ETV7: variants seen among roughly 807,000 people sequenced by gnomAD.
ETV7 encodes ETS variant transcription factor 7.
In ETV7, 43 loss-of-function variants were observed where a neutral mutation model predicts 39.1. The ratio of observed to expected loss-of-function variants is 1.10; its 90% CI spans 0.86 to 1.42. ETV7 has a LOEUF of 1.42. Among genes scored for constraint, ETV7 ranks in the 40% most tolerant of loss-of-function variants. The pLI is 0.00. For synonymous variants in ETV7, 196 were observed against 176.6 expected (o/e 1.11, Z -0.87); for missense variants, 432 against 442.3 (o/e 0.98, Z 0.21).
chr6:36,368,671 A>G, intron 6 of ETV7, among the ~76,000 whole-genome samples: 1 of 152,190 alleles, frequency 6.6e-6, no homozygotes, highest in East Asian at 1.9e-4. Flanking sequence ...ACATGCTTCT[A>G]AAGCCTGAAA....
chr6:36,383,569 G>A (rs746936452), intron 2 of ETV7, among the ~76,000 whole-genome samples: 3 of 152,094 alleles, frequency 2.0e-5, no homozygotes, highest in African/African-American at 4.8e-5. Context: ...GGTGGGTGAC[G>A]GGGAATAAAC....
At chr6:36,385,835 A>G (rs1277808678) in intron 1 of ETV7, among the ~76,000 whole-genome samples, 166 bp from the exon 2 acceptor site, 1 of 152,204 alleles carries the variant, frequency 6.6e-6, no homozygotes, top group Non-Finnish European at 1.5e-5. Flanking sequence ...ACTCAGTACC[A>G]TCAACATTTT....
intron 2 of ETV7, among the ~76,000 whole-genome samples, chr6:36,383,751 A>G (rs1773763080): frequency 6.6e-6 from 1 of 152,178 alleles, no homozygotes; most frequent in Non-Finnish European, 1.5e-5. Context: ...ATCTTTTAAA[A>G]CTGTCAGGTA....
chr6:36,373,341 G>A (rs920472024), intron 4 of ETV7, 112 bp downstream of exon 4: 7 of 1,298,652 alleles, frequency 5.4e-6, no homozygotes, highest in Admixed American at 3.6e-5. Flanking sequence ...GGCGGGAGGG[G>A]AGCTTGCCCA....
At chr6:36,369,169 C>CT in intron 5 of ETV7, 98 bp from the exon 6 acceptor site, 7 of 1,369,812 alleles carry the variant, frequency 5.1e-6, no homozygotes, top group Non-Finnish European at 7.0e-6. Context: ...GGCCAGAGCC[C>CT]TAGGAGCACC....
downstream of ETV7, among the ~76,000 whole-genome samples, chr6:36,363,518 G>A (rs1316622807): frequency 1.3e-5 from 2 of 152,228 alleles, no homozygotes; most frequent in African/African-American, 4.8e-5. Flanking sequence ...CAGGAGTGAA[G>A]CTGCAGATCT....
chr6:36,376,444 AT>A (rs1352390512), intron 2 of ETV7, among the ~76,000 whole-genome samples: 1 of 152,220 alleles, frequency 6.6e-6, no homozygotes, highest in African/African-American at 2.4e-5. Context: ...CAGAAAACAC[AT>A]GTTGAGTGAG....
At chr6:36,359,160 G>A (rs1393646680) in intron 7 of ETV7, among the ~76,000 whole-genome samples, 2 of 152,170 alleles carry the variant, frequency 1.3e-5, no homozygotes, top group Non-Finnish European at 2.9e-5. Context: ...AACAGAAAGG[G>A]GATGGACAGG....
intron 1 of ETV7, among the ~76,000 whole-genome samples, chr6:36,386,268 G>C (rs971767531): frequency 6.6e-6 from 1 of 152,128 alleles, no homozygotes; most frequent in South Asian, 2.1e-4. Flanking sequence ...GCGGAAGTTG[G>C]AGTGAGCCAA....
At chr6:36,360,864 G>C (rs1017698064) in intron 7 of ETV7, among the ~76,000 whole-genome samples, 13 of 152,136 alleles carry the variant, frequency 8.5e-5, no homozygotes, top group Non-Finnish European at 1.9e-4. Flanking sequence ...TGATTCTCCG[G>C]AGGGAAACTC....
chr6:36,354,918 T>G (rs1184581107), intron 7 of ETV7, among the ~76,000 whole-genome samples: 1 of 152,216 alleles, frequency 6.6e-6, no homozygotes, highest in Non-Finnish European at 1.5e-5. Context: ...ATAGAATTAT[T>G]TTGAATTTCA....
chr6:36,384,460 A>T (rs1773798464), intron 2 of ETV7, among the ~76,000 whole-genome samples: 2 of 152,172 alleles, frequency 1.3e-5, no homozygotes, highest in Non-Finnish European at 2.9e-5. Flanking sequence ...TAATTCATTC[A>T]ATAGATATTT....
rs566190314 is a variant in ETV7 at position 36,368,316 on chromosome 6, G to A, written c.807+613C>T. On this transcript the variant is annotated intron_variant, in intron 6 of 7. Coordinates refer to ENST00000340181, the MANE Select transcript of ETV7 (RefSeq NM_016135.4). ...CTATAAATCGATGATTATCATTATC[G>A]TTAATAGTTTTCTTTAAAAGATTTT... Among the ~76,000 whole-genome samples, 18 of 152,264 alleles carry A rather than the reference G, an allele frequency of 1.2e-4. No homozygotes were observed. In the South Asian group the frequency reaches 2.9e-3, roughly 25 times the overall value.
intron 7 of ETV7, among the ~76,000 whole-genome samples, chr6:36,357,399 C>T (rs571476989): frequency 6.6e-6 from 1 of 152,286 alleles, no homozygotes; most frequent in African/African-American, 2.4e-5. Flanking sequence ...AGCCAGAGGA[C>T]AGGAAGCCCA....
chr6:36,364,673 G>A (rs371495540), downstream of ETV7, among the ~76,000 whole-genome samples: 4 of 152,340 alleles, frequency 2.6e-5, no homozygotes, highest in African/African-American at 9.6e-5. Context: ...CCAGAAAGGG[G>A]CTCCCACAGT....
chr6:36,387,547 G>C lies in ETV7; in HGVS notation c.-6C>G. On this transcript the variant is annotated 5_prime_UTR_variant, in exon 1 of 8. Coordinates refer to ENST00000340181, the MANE Select transcript of ETV7 (RefSeq NM_016135.4). Reference sequence around the variant, plus strand: ...CGCCAGGCTCTTACCTGCATTACAGGTGGAGGTGAGGAAGCCACCGGCTTT... The same window carrying C: ...CGCCAGGCTCTTACCTGCATTACAGCTGGAGGTGAGGAAGCCACCGGCTTT... 1 of 1,614,102 alleles carries C rather than the reference G, an allele frequency of 6.2e-7. No homozygotes were observed. The highest frequency in any genetic ancestry group is 8.5e-7 in the Non-Finnish European group (1 of 1,180,020).
chr6:36,381,179 A>G (rs1261393322), intron 2 of ETV7, among the ~76,000 whole-genome samples: 1 of 152,188 alleles, frequency 6.6e-6, no homozygotes, highest in Non-Finnish European at 1.5e-5. Context: ...GGAAGAATGC[A>G]GGAGGCAGTT....
At chr6:36,376,194 G>A (rs963417446) in intron 2 of ETV7, among the ~76,000 whole-genome samples, 159 bp from the exon 3 acceptor site, 1 of 152,106 alleles carries the variant, frequency 6.6e-6, no homozygotes, top group African/African-American at 2.4e-5. Flanking sequence ...AGCATGTTAC[G>A]TTCTTTGTAA....
intron 4 of ETV7, 60 bp downstream of exon 4, chr6:36,373,393 G>T: frequency 1.4e-6 from 2 of 1,453,628 alleles, no homozygotes; most frequent in African/African-American, 2.9e-5. Flanking sequence ...AGGATGTCCT[G>T]CCCTCCCAGT....
Sources: allele counts gnomAD v4.1 joint callset (sites outside exome capture counted in the v4.1 genomes callset), GRCh38; gene constraint gnomAD v4.1.1; transcripts MANE v1.5; gene names NCBI Gene and HGNC (gene_info 2026-07-23, HGNC 2026-07-21).